The following PDE6B variants were observed in gnomAD, a reference collection of about 807,000 sequenced individuals.
The protein encoded by PDE6B is phosphodiesterase 6B.
PDE6B carries 106 observed loss-of-function variants against 109.0 expected under a neutral mutation model. That is an observed-to-expected ratio of 0.97 (90% CI 0.83 to 1.14). PDE6B has a LOEUF of 1.14. Ranked by LOEUF, PDE6B falls within the 50% of genes most tolerant of loss-of-function variation. The pLI is 0.00. For missense variants in PDE6B, 1,193 were observed against 1,155.6 expected, an observed-to-expected ratio of 1.03 and a Z score of -0.47; for synonymous variants, 490 against 471.3, an observed-to-expected ratio of 1.04 and a Z score of -0.51.
chr4:644,163 C>T (rs10018607), intron 3 of PDE6B, among the ~76,000 whole-genome samples: 3,643 of 151,870 alleles, frequency 0.024, 186 homozygotes, highest in African/African-American at 0.084. Context: ...GTGATCTGCC[C>T]GCCTCGGCCT....
chr4:660,068 CATGT>C (rs1736881237), intron 11 of PDE6B, among the ~76,000 whole-genome samples: 1 of 151,848 alleles, frequency 6.6e-6, no homozygotes, highest in South Asian at 2.1e-4. Flanking sequence ...CCTGGGTGCT[CATGT>C]GTGTGCCTGT....
intron 6 of PDE6B, 86 bp from the exon 7 acceptor site, chr4:655,854 T>A (rs1283912355): frequency 2.4e-6 from 2 of 837,230 alleles, no homozygotes; most frequent in Admixed American, 3.4e-5. Flanking sequence ...CTCTCACCCC[T>A]GCACACAGAC....
chr4:654,434 G>A (rs1292201254), intron 5 of PDE6B: 10 of 619,640 alleles, frequency 1.6e-5, no homozygotes, highest in South Asian at 1.1e-4. Context: ...ATCTCCCCAC[G>A]TGGGACCTCC....
At chr4:654,379 G>A (rs900384779) in intron 5 of PDE6B, 26 of 667,522 alleles carry the variant, frequency 3.9e-5, no homozygotes, top group Admixed American at 1.1e-4. Flanking sequence ...CAGGCTGGTC[G>A]TGAAGACCCA....
chr4:669,356 T>G (rs1261144819), intron 21 of PDE6B, among the ~76,000 whole-genome samples: 1 of 105,016 alleles, frequency 9.5e-6, no homozygotes, highest in African/African-American at 4.4e-5. Flanking sequence ...CCCCATGCTA[T>G]TCCCACTACC....
intron 9 of PDE6B, among the ~76,000 whole-genome samples, 159 bp from the exon 10 acceptor site, chr4:657,192 G>C (rs1736377861): frequency 6.6e-6 from 1 of 152,204 alleles, no homozygotes. Context: ...GGGAGCAGGA[G>C]CCTCTGCAGA....
Position 652,445 on chromosome 4 carries a change from C to T in PDE6B, c.712-1407C>T, listed in dbSNP as rs957826734. On this transcript the variant is annotated intron_variant, in intron 3 of 21. Coordinates refer to ENST00000496514, the MANE Select transcript of PDE6B (RefSeq NM_000283.4). ...GGAAGAGAGATAGAGAAAGCAGAGA[C>T]GTTGGTGAAAGGGTGCAAAGCGTTC... is the stretch of plus-strand genomic sequence containing the variant. The T allele has an allele frequency of 1.1e-5, 10 of 947,058 alleles. No homozygotes were observed. The South Asian group carries it at 1.5e-4, about 14-fold the overall frequency. The allele number at this position is 947,058 out of a possible 1,614,324, so 58.7% of individuals were successfully genotyped here.
chr4:670,433 G>A lies in PDE6B; in HGVS notation c.*326G>A. On this transcript the variant is annotated 3_prime_UTR_variant, in exon 22 of 22. Coordinates refer to ENST00000496514, the MANE Select transcript of PDE6B (RefSeq NM_000283.4). Reference sequence around the variant, plus strand: ...AATTTTTGTATTTTCAGTACAGATGGGGTTTCACCATATTGGGCAGGCTGG... The same window carrying A: ...AATTTTTGTATTTTCAGTACAGATGAGGTTTCACCATATTGGGCAGGCTGG... The A allele has an allele frequency of 3.1e-6, 1 of 322,608 alleles. No individual in the cohort carries two copies. Among genetic ancestry groups the A allele is most frequent in the South Asian group, 2.6e-5 (1 of 37,920 alleles). 20.0% of individuals were successfully genotyped at this position (322,608 alleles called of 1,614,324 possible). A position where few individuals can be genotyped will look rare whatever the true frequency, so the allele number is the denominator to read the frequency against.
At chr4:631,587 G>A (rs186712170) in intron 1 of PDE6B, among the ~76,000 whole-genome samples, 2 of 152,078 alleles carry the variant, frequency 1.3e-5, no homozygotes, top group African/African-American at 4.8e-5. Context: ...GCGTGGATCT[G>A]TGTGGCACCA....
chr4:629,776 C>T (rs140478565), intron 1 of PDE6B, among the ~76,000 whole-genome samples: 117 of 152,326 alleles, frequency 7.7e-4, no homozygotes, highest in African/African-American at 2.4e-3. Context: ...TGAGCACAGA[C>T]GGCAGAGGAG....
rs779085612 is a variant in PDE6B, at chr4:634,764, G to T, written c.556G>T (p.Val186Phe). 6.2e-7 allele frequency: 1 copy of T among 1,613,692 alleles called. No homozygotes were observed. The highest frequency in any genetic ancestry group is 1.1e-5 in the South Asian group (1 of 91,072). The part of the protein sequence containing the change: ...LATPIMNGKD[V>F]VAVIMAVNKL... ...CACACCCATCATGAATGGCAAAGAC[G>T]TCGTGGCGGTGATCATGGCAGTGAA... is the stretch of plus-strand genomic sequence containing the variant. Residue 186 changes from valine (V) to phenylalanine (F), a missense_variant, in exon 2 of 22, where the codon GTC (valine) becomes TTC (phenylalanine). Val to Phe is a conservative substitution (Grantham distance 50). Coordinates refer to ENST00000496514, the MANE Select transcript of PDE6B (RefSeq NM_000283.4).
rs1464555114 is a variant in PDE6B at position 665,293 on chromosome 4, T to C, written c.2232T>C (p.Gly744=). 1.9e-6 allele frequency: 3 copies of C among 1,612,850 alleles called. No homozygotes were observed. The highest frequency in any genetic ancestry group is 1.7e-6 in the Non-Finnish European group (2 of 1,179,600). ...LLVAAEFWEQ[G]DLERTVLDQQ... ...TGGCTGCTGAGTTCTGGGAGCAAGG[T>C]GACTTGGAAAGGACAGTCTTGGATC... is the stretch of plus-strand genomic sequence containing the variant. Residue 744 remains glycine (G), a synonymous_variant, in exon 19 of 22, where the codon GGT becomes GGC. Coordinates refer to ENST00000496514, the MANE Select transcript of PDE6B (RefSeq NM_000283.4). This position sits in a 1 kb window ranked among gnomAD's most constrained non-coding sequence, Gnocchi z 4.0.
Position 663,459 on chromosome 4 carries a change from G to A in PDE6B, c.1920+272G>A, listed in dbSNP as rs1737370683. Among the ~76,000 whole-genome samples the A allele has an allele frequency of 6.6e-6, 1 of 152,218 alleles. No individual in the cohort carries two copies. The highest frequency in any genetic ancestry group is 2.4e-5 in the African/African-American group (1 of 41,460). On this transcript the variant is annotated intron_variant, in intron 15 of 21. Transcript: ENST00000496514. This position sits in a 1 kb window ranked among gnomAD's most constrained non-coding sequence, Gnocchi z 4.0. ...AGGGGAAGCGGCCCGGGACCCACCAGCGGGGGAATGAAGGGCAGCCGAGCC... is the reference window on the plus strand; with the variant it reads ...AGGGGAAGCGGCCCGGGACCCACCAACGGGGGAATGAAGGGCAGCCGAGCC...
intron 1 of PDE6B, 74 bp from the exon 2 acceptor site, chr4:634,603 C>A: frequency 8.0e-7 from 1 of 1,254,114 alleles, no homozygotes; most frequent in Non-Finnish European, 1.2e-6. Context: ...CAGAGCTTGA[C>A]GACAACCCCA....
Position 664,237 on chromosome 4 carries a change from G to C in PDE6B, c.2129+16G>C, listed in dbSNP as rs202218348. Reference sequence around the variant, plus strand: ...AGATCGTCATGTGAGCGCGGGCGGAGGGGGCACGAGGGGTCCTTCCCTCGC... The same window carrying C: ...AGATCGTCATGTGAGCGCGGGCGGACGGGGCACGAGGGGTCCTTCCCTCGC... On this transcript the variant is annotated intron_variant, in intron 17 of 21. Coordinates refer to ENST00000496514, the MANE Select transcript of PDE6B (RefSeq NM_000283.4). The C allele has an allele frequency of 7.5e-7, 1 of 1,340,450 alleles. No individual in the cohort carries two copies. The highest frequency in any genetic ancestry group is 1.7e-5 in the Admixed American group (1 of 59,702). 83.0% of individuals were successfully genotyped at this position (1,340,450 alleles called of 1,614,324 possible).
chr4:636,565 G>C lies in PDE6B; in HGVS notation c.711+596G>C, dbSNP rs1284970549. On this transcript the variant is annotated intron_variant, in intron 3 of 21. Transcript: ENST00000496514. This position sits in a 1 kb window ranked among gnomAD's most constrained non-coding sequence, Gnocchi z 4.5. Reference sequence around the variant, plus strand: ...CTCAGGGGAGACCTGGATGGATAGTGAGTGGGCTGGGGGAGGGAGGCTCTA... The same window carrying C: ...CTCAGGGGAGACCTGGATGGATAGTCAGTGGGCTGGGGGAGGGAGGCTCTA... Among the ~76,000 whole-genome samples, 5 of 152,096 alleles carry C rather than the reference G, an allele frequency of 3.3e-5. No individual in the cohort carries two copies. Among genetic ancestry groups the C allele is most frequent in the Admixed American group, 6.5e-5 (1 of 15,274 alleles).
intron 1 of PDE6B, among the ~76,000 whole-genome samples, chr4:634,381 G>A (rs1463678064): frequency 2.0e-5 from 3 of 152,188 alleles, no homozygotes; most frequent in African/African-American, 7.2e-5. Context: ...AGGGCGGCAG[G>A]TGCGTGAGGT....
At chr4:657,516 A>G in intron 10 of PDE6B, 22 bp downstream of exon 10, 1 of 1,464,784 alleles carries the variant, frequency 6.8e-7, no homozygotes, top group Non-Finnish European at 9.5e-7. Context: ...CAGGACGTCC[A>G]GGGGTCACCC....
intron 16 of PDE6B, 27 bp from the exon 17 acceptor site, chr4:664,087 T>G (rs536111136): frequency 6.7e-7 from 1 of 1,484,836 alleles, no homozygotes; most frequent in East Asian, 2.3e-5. Flanking sequence ...TGCTCCCACC[T>G]GCACCTCCCT....
Sources: gnomAD v4.1 joint callset for allele counts (sites outside exome capture counted in the v4.1 genomes callset) on GRCh38, gnomAD v4.1.1 for gene constraint, Gnocchi (gnomAD v3.1) non-coding constraint, MANE v1.5 for transcripts, NCBI Gene and HGNC (gene_info 2026-07-23, HGNC 2026-07-21) for gene names.